CERS6: variants seen among roughly 807,000 people sequenced by gnomAD.
CERS6 encodes the protein ceramide synthase 6.
A neutral mutation model predicts 56.8 loss-of-function variants in CERS6; 26 were observed. That is an observed-to-expected ratio of 0.46 (90% CI 0.34 to 0.63). The LOEUF (loss-of-function observed/expected upper bound fraction) is 0.63. Among genes scored for constraint, CERS6 ranks in the 30% least tolerant of loss-of-function variants. The pLI is 0.01. For missense variants in CERS6, 415 were observed against 467.5 expected (o/e 0.89, Z 1.04); for synonymous variants, 164 against 173.3 (o/e 0.95, Z 0.42).
At chr2:168,645,146 G>A (rs75277934) in intron 4 of CERS6, among the ~76,000 whole-genome samples, 6 of 15,750 alleles carry the variant, frequency 3.8e-4, no homozygotes, top group Non-Finnish European at 4.9e-4. Flanking sequence ...TATATATAGA[G>A]AGAGAGAGAG....
chr2:168,540,181 G>C (rs1304706587), intron 1 of CERS6, among the ~76,000 whole-genome samples: 10 of 151,382 alleles, frequency 6.6e-5, no homozygotes, highest in Non-Finnish European at 1.2e-4. Context: ...TTCCAGTATA[G>C]TCATGAGCTG....
chr2:168,745,623 G>A (rs1684076220), intron 8 of CERS6, among the ~76,000 whole-genome samples: 1 of 152,134 alleles, frequency 6.6e-6, no homozygotes, highest in Non-Finnish European at 1.5e-5. Context: ...CAGGATAAGA[G>A]AACAAATGGA....
intron 3 of CERS6, among the ~76,000 whole-genome samples, chr2:168,586,243 A>G (rs895000642): frequency 6.6e-6 from 1 of 151,554 alleles, no homozygotes; most frequent in Non-Finnish European, 1.5e-5. Flanking sequence ...AAGGAAGCTT[A>G]CCATGTGTAG....
intron 4 of CERS6, among the ~76,000 whole-genome samples, chr2:168,659,424 A>G (rs1191353074): frequency 2.0e-5 from 3 of 152,248 alleles, no homozygotes; most frequent in Admixed American, 1.3e-4. Context: ...TTTTATGCAT[A>G]AACAAATATA....
chr2:168,699,015 GC>G, intron 6 of CERS6, among the ~76,000 whole-genome samples: 1 of 152,168 alleles, frequency 6.6e-6, no homozygotes, highest in Non-Finnish European at 1.5e-5. Flanking sequence ...TACCAGGCAT[GC>G]TTACTCCTTG....
intron 4 of CERS6, among the ~76,000 whole-genome samples, chr2:168,638,220 C>T (rs1030831580): frequency 3.3e-5 from 5 of 152,134 alleles, no homozygotes; most frequent in African/African-American, 1.2e-4. Context: ...TCCTAATTTT[C>T]AGACTGGGTA....
At chr2:168,714,293 A>G (rs934365756) in intron 6 of CERS6, among the ~76,000 whole-genome samples, 9 of 152,218 alleles carry the variant, frequency 5.9e-5, no homozygotes, top group African/African-American at 1.9e-4. Context: ...TATTTAGACC[A>G]TAGCACCACC....
At chr2:168,537,885 T>C (rs777621108) in intron 1 of CERS6, among the ~76,000 whole-genome samples, 24 of 152,350 alleles carry the variant, frequency 1.6e-4, no homozygotes, top group Non-Finnish European at 2.9e-4. Context: ...TTACCAGGCC[T>C]CACACTGAAG....
rs61031993 is a variant in CERS6 at position 168,559,733 on chromosome 2, T to TTTTATATATATATATATATATATA, written c.277-1459_277-1458insTTTATATATATATATATATATATA. ...TGCTTGAGCTGCTTTTAGAAAGGTA[T>TTTTATATATATATATATATATATA]CATATATATATATATATATATTTCA... On this transcript the variant is annotated intron_variant, in intron 2 of 9. Coordinates refer to ENST00000305747, the MANE Select transcript of CERS6 (RefSeq NM_203463.3). Among the ~76,000 whole-genome samples the TTTTATATATATATATATATATATA allele has an allele frequency of 1.1e-3, 76 of 66,272 alleles. 5 individuals are homozygous for TTTTATATATATATATATATATATA. The highest frequency in any genetic ancestry group is 3.4e-3 in the African/African-American group (68 of 20,192). 43.5% of individuals were successfully genotyped at this position (66,272 alleles called of 152,430 possible).
intron 1 of CERS6, among the ~76,000 whole-genome samples, chr2:168,507,905 T>C (rs1301348479): frequency 6.6e-6 from 1 of 152,224 alleles, no homozygotes; most frequent in Non-Finnish European, 1.5e-5. Context: ...ATTAGATATT[T>C]CAAGTTGCTA....
At chr2:168,757,168 T>C (rs974417539) in intron 8 of CERS6, among the ~76,000 whole-genome samples, 2 of 152,032 alleles carry the variant, frequency 1.3e-5, no homozygotes, top group Admixed American at 6.6e-5. Context: ...TATGTACACA[T>C]AGGCAACAAA....
intron 1 of CERS6, among the ~76,000 whole-genome samples, chr2:168,474,678 AT>A (rs1485102133): frequency 6.6e-6 from 1 of 152,236 alleles, no homozygotes. Context: ...AATGATAATC[AT>A]AAAATACAGT....
chr2:168,580,971 C>T (rs1683393152), intron 3 of CERS6, among the ~76,000 whole-genome samples: 1 of 151,624 alleles, frequency 6.6e-6, no homozygotes, highest in South Asian at 2.1e-4. Context: ...ATATGTATTC[C>T]TCTCGAGATT....
chr2:168,718,295 C>T (rs1687277610), intron 8 of CERS6, among the ~76,000 whole-genome samples: 2 of 152,130 alleles, frequency 1.3e-5, no homozygotes, highest in African/African-American at 2.4e-5. Flanking sequence ...AGAAAGAAAC[C>T]GTGGTGTTGC....
At chr2:168,665,946 A>T (rs1685746692) in intron 4 of CERS6, among the ~76,000 whole-genome samples, 1 of 119,166 alleles carries the variant, frequency 8.4e-6, no homozygotes, top group Admixed American at 1.0e-4. Flanking sequence ...TTAAAAAATT[A>T]GTAGACTGTG....
chr2:168,559,234 G>T (rs1261768781), intron 2 of CERS6, among the ~76,000 whole-genome samples: 1 of 151,762 alleles, frequency 6.6e-6, no homozygotes, highest in Non-Finnish European at 1.5e-5. Flanking sequence ...CCCAAAGTTG[G>T]CAAATAACGT....
intron 8 of CERS6, among the ~76,000 whole-genome samples, chr2:168,722,139 T>C (rs1683194627): frequency 6.6e-6 from 1 of 152,258 alleles, no homozygotes; most frequent in Non-Finnish European, 1.5e-5. Context: ...TAAAAGTTTA[T>C]GCACGATTAT....
At position 168,615,748 on chromosome 2, in the gene CERS6, C is replaced by G. The variant is rs528022974; in HGVS notation, c.408-15237C>G. 9.2e-5 allele frequency among the ~76,000 whole-genome samples: 14 copies of G among 152,278 alleles called. No individual in the cohort carries two copies. In the Middle Eastern group the frequency reaches 0.01, roughly 111 times the overall value. ...TTAAATGACCAAACCTAAGAATAATCGGTGTTCCTGAGGAAGAAGAGAAAT... is the reference window on the plus strand; with the variant it reads ...TTAAATGACCAAACCTAAGAATAATGGGTGTTCCTGAGGAAGAAGAGAAAT... On this transcript the variant is annotated intron_variant, in intron 3 of 9. Transcript: ENST00000305747.
chr2:168,705,209 A>G (rs986561276), intron 6 of CERS6, among the ~76,000 whole-genome samples: 1 of 152,168 alleles, frequency 6.6e-6, no homozygotes, highest in Non-Finnish European at 1.5e-5. Flanking sequence ...TACTTGCTTT[A>G]TAGGGTTGTT....
Sources: allele counts gnomAD v4.1 joint callset (sites outside exome capture counted in the v4.1 genomes callset), GRCh38; gene constraint gnomAD v4.1.1; transcripts MANE v1.5; gene names NCBI Gene and HGNC (gene_info 2026-07-23, HGNC 2026-07-21).